PRDM15: variants seen among roughly 807,000 people sequenced by gnomAD.
The protein encoded by PRDM15 is PR/SET domain 15.
PRDM15 carries 64 observed loss-of-function variants against 128.6 expected under a neutral mutation model. That is an observed-to-expected ratio of 0.50 (90% CI 0.41 to 0.61). PRDM15 has a LOEUF of 0.61. Ranked by LOEUF, PRDM15 falls within the 20% of genes least tolerant of loss-of-function variation. PRDM15 has a pLI of 0.00. For synonymous variants in PRDM15, 615 were observed against 621.8 expected (o/e 0.99, Z 0.16); for missense variants, 1,242 against 1,569.1 (o/e 0.79, Z 3.52).
chr21:41,808,585 A>G (rs2061755062), intron 21 of PRDM15, among the ~76,000 whole-genome samples: 1 of 152,262 alleles, frequency 6.6e-6, no homozygotes, highest in African/African-American at 2.4e-5. Flanking sequence ...AAAAATGTGA[A>G]GACAAGAAAT....
intron 13 of PRDM15, among the ~76,000 whole-genome samples, chr21:41,825,408 C>T (rs1185105510): frequency 2.0e-5 from 3 of 152,262 alleles, no homozygotes; most frequent in Non-Finnish European, 4.4e-5. Context: ...GCCCCCTCAC[C>T]GTGCAGCCCT....
intron 18 of PRDM15, among the ~76,000 whole-genome samples, chr21:41,817,099 T>C (rs1159182685): frequency 6.6e-6 from 1 of 152,174 alleles, no homozygotes; most frequent in African/African-American, 2.4e-5. Context: ...TTTTCTTCCA[T>C]TTAACAAAGA....
chr21:41,810,567 G>A lies in PRDM15; in HGVS notation c.2476+186C>T. 1 of 643,020 alleles carries A rather than the reference G, an allele frequency of 1.6e-6. No individual in the cohort carries two copies. Among genetic ancestry groups the A allele is most frequent in the Non-Finnish European group, 2.7e-6 (1 of 373,028 alleles). 39.8% of individuals were successfully genotyped at this position (643,020 alleles called of 1,614,324 possible). ...AACCAATATGAGAAAATTCAAGAAG[G>A]GATACTTGAAAGCTGTGGCGGGTTG... is the stretch of plus-strand genomic sequence containing the variant. On this transcript the variant is annotated intron_variant, in intron 20 of 23. Transcript: ENST00000398548. The surrounding 1 kb of genome is among the most constrained non-coding windows in gnomAD (Gnocchi z 6.4).
intron 21 of PRDM15, among the ~76,000 whole-genome samples, chr21:41,806,003 CCAT>C (rs1405630753): frequency 0.013 from 1,157 of 92,330 alleles, 31 homozygotes; most frequent in African/African-American, 0.044. Context: ...ACCACCACCA[CCAT>C]CACCACCACC....
chr21:41,867,192 A>G lies in PRDM15; in HGVS notation c.-9-6820T>C, dbSNP rs190596064. ...GCACAGATTTTCTATTCACACACAG[A>G]GTGACCCTGCAGAAGGCAGCCACTC... On this transcript the variant is annotated intron_variant, in intron 1 of 23. Coordinates refer to ENST00000398548, the MANE Select transcript of PRDM15 (RefSeq NM_001040424.3). 1,661 of 763,418 alleles carry G rather than the reference A, an allele frequency of 2.2e-3. 4 individuals carry two copies. The highest frequency in any genetic ancestry group is 3.1e-3 in the Admixed American group (144 of 46,106). 47.3% of individuals were successfully genotyped at this position (763,418 alleles called of 1,614,324 possible).
Position 41,839,693 on chromosome 21 carries a change from T to A in PRDM15, c.801A>T (p.Arg267=). ...VATKEQKKKP[R]RGRKPKVSKA... ...TGGACACTTTGGGTTTTCTCCCCCT[T>A]CGAGGCTTTTTCTTCTGTTCTTTGG... Residue 267 remains arginine (R), a synonymous_variant, in exon 7 of 24, where the codon CGA becomes CGT. Transcript: ENST00000398548. The A allele has an allele frequency of 6.2e-7, 1 of 1,614,262 alleles. No homozygotes were observed. Among genetic ancestry groups the A allele is most frequent in the Non-Finnish European group, 8.5e-7 (1 of 1,180,046 alleles).
intron 1 of PRDM15, chr21:41,871,034 TTAAAACACAGATACAGACATACAGA>T (rs916032254): frequency 6.5e-6 from 1 of 154,172 alleles, no homozygotes; most frequent in Non-Finnish European, 1.4e-5. Context: ...TAAAGTAGTG[TTAAAACACAGATACAGACATACAGA>T]TAAAACACAG....
chr21:41,867,407 G>A (rs1235052936), intron 1 of PRDM15: 1 of 1,502,786 alleles, frequency 6.7e-7, no homozygotes, highest in South Asian at 1.1e-5. Flanking sequence ...AGCAAGCTGA[G>A]GCTCTACACA....
At position 41,828,152 on chromosome 21, in the gene PRDM15, G is replaced by A. The variant is rs112996484; in HGVS notation, c.1534+14C>T. 34 of 1,612,378 alleles carry A rather than the reference G, an allele frequency of 2.1e-5. No homozygotes were observed. The highest frequency in any genetic ancestry group is 1.2e-4 in the Admixed American group (7 of 59,988). On this transcript the variant is annotated intron_variant, in intron 12 of 23. Transcript: ENST00000398548. The surrounding 1 kb of genome is among the most constrained non-coding windows in gnomAD (Gnocchi z 5.7). ...GCCTCTCCCCGCCCGCAGCAGGTGCGCAGGCGGCCTCACCTTCCAGGTGCC... is the reference window on the plus strand; with the variant it reads ...GCCTCTCCCCGCCCGCAGCAGGTGCACAGGCGGCCTCACCTTCCAGGTGCC...
intron 11 of PRDM15, among the ~76,000 whole-genome samples, chr21:41,833,276 G>A (rs1044592256): frequency 8.5e-5 from 13 of 152,150 alleles, no homozygotes; most frequent in African/African-American, 3.1e-4. Flanking sequence ...GTCCCATGGA[G>A]GGAGCTTCAG....
At chr21:41,822,058 C>A (rs73903594) in intron 14 of PRDM15, 21 bp from the exon 15 acceptor site, 1 of 1,613,394 alleles carries the variant, frequency 6.2e-7, no homozygotes, top group African/African-American at 1.3e-5. Flanking sequence ...GCCACCACTT[C>A]CGGTTTCTAA....
intron 16 of PRDM15, among the ~76,000 whole-genome samples, chr21:41,820,391 G>A (rs998590351): frequency 1.3e-4 from 20 of 152,354 alleles, no homozygotes; most frequent in East Asian, 3.9e-4. Flanking sequence ...ATGTGACTAT[G>A]TTTGGAGATG....
intron 6 of PRDM15, among the ~76,000 whole-genome samples, chr21:41,844,267 C>T (rs2146670302): frequency 6.6e-6 from 1 of 152,186 alleles, no homozygotes; most frequent in South Asian, 2.1e-4. Flanking sequence ...GGCTCTGGGA[C>T]AGCGCTCAGT....
intron 13 of PRDM15, 122 bp from the exon 14 acceptor site, chr21:41,823,571 C>T (rs1568927878): frequency 1.0e-6 from 1 of 996,958 alleles, no homozygotes; most frequent in Non-Finnish European, 1.4e-6. Context: ...TGCTCCAGGC[C>T]TTGCATCTCC....
chr21:41,861,658 C>T lies in PRDM15; in HGVS notation c.-9-1286G>A, dbSNP rs62621406. On this transcript the variant is annotated intron_variant, in intron 1 of 23. Transcript: ENST00000398548. ...GCACTTCTTGAATGCTGATTCCACA[C>T]GCCCTCCACCCCGCTCATCCCCAGC... The T allele has an allele frequency of 1.3e-4, 216 of 1,613,878 alleles. No homozygotes were observed. In the African/African-American group the frequency reaches 2.3e-3, roughly 17 times the overall value.
At position 41,836,111 on chromosome 21, in the gene PRDM15, A is replaced by G. The variant is rs1433313983; in HGVS notation, c.1278+2T>C. The G allele has an allele frequency of 6.2e-7, 1 of 1,611,022 alleles. No individual in the cohort carries two copies. On this transcript the variant is annotated splice_donor_variant, in intron 10 of 23. Coordinates refer to ENST00000398548, the MANE Select transcript of PRDM15 (RefSeq NM_001040424.3). LOFTEE classifies it high-confidence loss of function. ...GAGAACCCTGGGCTTGTTTCCACCC[A>G]CCTCGTTCCTGCTGTGCTTGTAGGA...
intron 1 of PRDM15, chr21:41,861,858 T>C: frequency 6.3e-7 from 1 of 1,576,666 alleles, no homozygotes. Flanking sequence ...ATGCCAGAAA[T>C]AACAAGGGGA....
In PRDM15 at chr21:41,875,953, A is replaced by G. The variant is rs558203452; in HGVS notation, c.-10+3317T>C. ...ACAACCCTAGATGGTATAGCCTACT[A>G]CACACCTAGGCTATACGGCCCAGCC... On this transcript the variant is annotated intron_variant, in intron 1 of 23. Coordinates refer to ENST00000398548, the MANE Select transcript of PRDM15 (RefSeq NM_001040424.3). Among the ~76,000 whole-genome samples, 34 of 152,288 alleles carry G rather than the reference A, an allele frequency of 2.2e-4. No homozygotes were observed. In the South Asian group the frequency reaches 6.0e-3, roughly 27 times the overall value.
chr21:41,820,421 T>C (rs190294070), intron 16 of PRDM15, among the ~76,000 whole-genome samples: 232 of 152,208 alleles, frequency 1.5e-3, no homozygotes, highest in Non-Finnish European at 1.6e-3. Flanking sequence ...CAGAGGTGAT[T>C]ACATGGAAAA....
Sources: allele counts gnomAD v4.1 joint callset (sites outside exome capture counted in the v4.1 genomes callset), GRCh38; gene constraint gnomAD v4.1.1; non-coding constraint Gnocchi (gnomAD v3.1); transcripts MANE v1.5; gene names NCBI Gene and HGNC (gene_info 2026-07-23, HGNC 2026-07-21).